The following RNF144A variants were observed in gnomAD, a reference collection of about 807,000 sequenced individuals.
The protein encoded by RNF144A is ring finger protein 144A, also known as E3 ubiquitin-protein ligase RNF144A.
RNF144A carries 11 observed loss-of-function variants against 38.7 expected under a neutral mutation model. The observed-to-expected ratio is 0.28, with a 90% confidence interval of 0.18 to 0.47. The LOEUF is 0.47. Among genes scored for constraint, RNF144A ranks in the 20% least tolerant of loss-of-function variants. The probability of loss-of-function intolerance (pLI) is 0.99; values close to 1 mark genes in which losing one functional copy is unlikely to be tolerated. For synonymous variants in RNF144A, 149 were observed against 143.9 expected (o/e 1.04, Z -0.25); for missense variants, 316 against 377.2 (o/e 0.84, Z 1.34).
rs542064712 is a variant in RNF144A, at chr2:7,042,518, G to A, written c.*2758G>A. The A allele has an allele frequency of 1.0e-5, 10 of 985,368 alleles. No homozygotes were observed. The highest frequency in any genetic ancestry group is 1.2e-5 in the Non-Finnish European group (10 of 829,974). The allele number at this position is 985,368 out of a possible 1,614,324, so 61.0% of individuals were successfully genotyped here. ...AGACAACCATGGCTGCTGTACTGCC[G>A]CCCAGGGTGGGTGGCCAGTGAGGAC... On this transcript the variant is annotated 3_prime_UTR_variant, in exon 9 of 9. Coordinates refer to ENST00000320892, the MANE Select transcript of RNF144A (RefSeq NM_014746.6).
chr2:7,040,058 T>C lies in RNF144A; in HGVS notation c.*298T>C. ...AGGCAGCTTTCTCTCTGTGGTAGAC[T>C]AGGCATGTCTGGGGATGGCCTAAGA... On this transcript the variant is annotated 3_prime_UTR_variant, in exon 9 of 9. Coordinates refer to ENST00000320892, the MANE Select transcript of RNF144A (RefSeq NM_014746.6). 1 of 1,107,618 alleles carries C rather than the reference T, an allele frequency of 9.0e-7. No individual in the cohort carries two copies. The highest frequency in any genetic ancestry group is 4.8e-5 in the Admixed American group (1 of 20,718). 68.6% of individuals were successfully genotyped at this position (1,107,618 alleles called of 1,614,324 possible).
At chr2:7,023,910 T>C (rs1375362002) in intron 6 of RNF144A, among the ~76,000 whole-genome samples, 1 of 152,182 alleles carries the variant, frequency 6.6e-6, no homozygotes, top group Non-Finnish European at 1.5e-5. Context: ...AAGTAAACAG[T>C]GTGTGTTTGT....
At chr2:6,961,589 A>G (rs771318) in intron 2 of RNF144A, among the ~76,000 whole-genome samples, 2,985 of 152,312 alleles carry the variant, frequency 0.02, 100 homozygotes, top group African/African-American at 0.068. Context: ...TTATTTCAAG[A>G]GCAAGAGAAC....
At chr2:7,049,010 TAC>T (rs1291554693), downstream of RNF144A, among the ~76,000 whole-genome samples, 1 of 152,222 alleles carries the variant, frequency 6.6e-6, no homozygotes, top group Admixed American at 6.5e-5. Flanking sequence ...TGGTGGGATT[TAC>T]AGTGTAGACA....
chr2:6,926,974 G>A (rs1406759180), intron 1 of RNF144A, among the ~76,000 whole-genome samples: 31 of 152,132 alleles, frequency 2.0e-4, no homozygotes, highest in Admixed American at 2.0e-3. Flanking sequence ...AGAGTTTACC[G>A]TTCTGGAGTC....
chr2:7,014,785 T>C lies in RNF144A; in HGVS notation c.301+13T>C, dbSNP rs754926644. The C allele has an allele frequency of 6.3e-7, 1 of 1,589,234 alleles. No homozygotes were observed. Among genetic ancestry groups the C allele is most frequent in the Non-Finnish European group, 8.6e-7 (1 of 1,158,484 alleles). ...CAATTTGAAAGAGGTAGGTGCCTGG[T>C]ATATCTGCCGGTTATGATTCCTGTA... is the stretch of plus-strand genomic sequence containing the variant. On this transcript the variant is annotated intron_variant, in intron 5 of 8. Coordinates refer to ENST00000320892, the MANE Select transcript of RNF144A (RefSeq NM_014746.6).
intron 2 of RNF144A, among the ~76,000 whole-genome samples, chr2:6,977,396 T>C (rs1668380717): frequency 6.6e-6 from 1 of 152,254 alleles, no homozygotes; most frequent in African/African-American, 2.4e-5. Context: ...CTTTTGAACA[T>C]CGTAACATCA....
intron 1 of RNF144A, among the ~76,000 whole-genome samples, chr2:6,934,643 C>A (rs560110198): frequency 2.4e-4 from 37 of 151,998 alleles, no homozygotes; most frequent in Admixed American, 9.8e-4. Context: ...TCTTTTTTTC[C>A]CAGCCTATTT....
chr2:7,035,997 G>A (rs941878918), intron 8 of RNF144A, among the ~76,000 whole-genome samples: 4 of 152,306 alleles, frequency 2.6e-5, no homozygotes, highest in East Asian at 3.9e-4. Flanking sequence ...GAGTGGCCGC[G>A]AATGCAAGAC....
chr2:6,997,449 A>C (rs1295940798), intron 3 of RNF144A, among the ~76,000 whole-genome samples: 1 of 152,254 alleles, frequency 6.6e-6, no homozygotes, highest in Non-Finnish European at 1.5e-5. Flanking sequence ...GTGTAGCTAG[A>C]ATATTCAGTC....
intron 2 of RNF144A, among the ~76,000 whole-genome samples, chr2:6,942,015 CTA>C (rs1176615892): frequency 6.6e-6 from 1 of 152,198 alleles, no homozygotes; most frequent in Non-Finnish European, 1.5e-5. Context: ...GAAGCAGGGT[CTA>C]TTTCATTTTA....
At chr2:6,996,639 A>C (rs1669759839) in intron 2 of RNF144A, 1 of 352,294 alleles carries the variant, frequency 2.8e-6, no homozygotes, top group Admixed American at 3.7e-5. Context: ...CTATAGTCCT[A>C]GCTACTCAGG....
At chr2:7,025,834 A>G (rs1268852341) in intron 7 of RNF144A, among the ~76,000 whole-genome samples, 3 of 152,218 alleles carry the variant, frequency 2.0e-5, no homozygotes, top group East Asian at 1.9e-4. Context: ...TATCCAGTCC[A>G]TCCAATAATA....
chr2:6,956,840 A>G lies in RNF144A; in HGVS notation c.-12+15693A>G, dbSNP rs1237722725. On this transcript the variant is annotated intron_variant, in intron 2 of 8. Coordinates refer to ENST00000320892, the MANE Select transcript of RNF144A (RefSeq NM_014746.6). ...TACAAAAAATATGCAGGGCACTTGC[A>G]AATTATTACTTATCTGCAGCAAAGT... 1.3e-5 allele frequency among the ~76,000 whole-genome samples: 2 copies of G among 152,212 alleles called. 1 individual carries two copies. Among genetic ancestry groups the G allele is most frequent in the East Asian group, 3.9e-4 (2 of 5,192 alleles).
chr2:7,016,013 T>TA (rs985116891), intron 5 of RNF144A, among the ~76,000 whole-genome samples: 5 of 149,972 alleles, frequency 3.3e-5, no homozygotes, highest in African/African-American at 1.2e-4. Flanking sequence ...AAAGAAATGC[T>TA]AGAGATAGCT....
chr2:7,006,224 C>T (rs1248901359), intron 3 of RNF144A, among the ~76,000 whole-genome samples: 1 of 152,050 alleles, frequency 6.6e-6, no homozygotes, highest in Non-Finnish European at 1.5e-5. Context: ...GGACTTCACT[C>T]AGAGCCCAGG....
intron 3 of RNF144A, among the ~76,000 whole-genome samples, chr2:7,011,412 C>T (rs559843536): frequency 1.1e-4 from 16 of 152,250 alleles, no homozygotes; most frequent in African/African-American, 2.2e-4. Flanking sequence ...AAAAAATGTA[C>T]AACAGACAAA....
intron 4 of RNF144A, 62 bp downstream of exon 4, chr2:7,014,620 C>A: frequency 6.6e-7 from 1 of 1,520,034 alleles, no homozygotes; most frequent in South Asian, 1.1e-5. Flanking sequence ...CTGAACTTGT[C>A]AGAATAACGT....
At chr2:6,937,745 G>C (rs1296145089) in intron 1 of RNF144A, among the ~76,000 whole-genome samples, 1 of 152,198 alleles carries the variant, frequency 6.6e-6, no homozygotes, top group Non-Finnish European at 1.5e-5. Context: ...GCACGGCCAG[G>C]TGATGTTTGG....
Sources: allele counts gnomAD v4.1 joint callset (sites outside exome capture counted in the v4.1 genomes callset), GRCh38; gene constraint gnomAD v4.1.1; transcripts MANE v1.5; gene names NCBI Gene and HGNC (gene_info 2026-07-23, HGNC 2026-07-21).